SYNPO: variants seen among roughly 807,000 people sequenced by gnomAD.
The protein encoded by SYNPO is synaptopodin.
In SYNPO, 19 loss-of-function variants were observed where a neutral mutation model predicts 49.5. The ratio of observed to expected loss-of-function variants is 0.38; its 90% CI spans 0.27 to 0.56. The LOEUF (loss-of-function observed/expected upper bound fraction) is 0.56, where lower values mean the gene tolerates loss of function less well. SYNPO is among the 20% of genes least tolerant of loss of function. The pLI is 0.68. For synonymous variants in SYNPO, 536 were observed against 548.0 expected, an observed-to-expected ratio of 0.98 and a Z score of 0.31; for missense variants, 1,131 against 1,248.3, an observed-to-expected ratio of 0.91 and a Z score of 1.42.
the SYNPO span, among the ~76,000 whole-genome samples, chr5:150,586,378 C>T: frequency 2.6e-5 from 4 of 152,346 alleles, no homozygotes; most frequent in Admixed American, 1.3e-4. Context: ...TGTCAAATGC[C>T]GTCTCATCTT....
the SYNPO span, among the ~76,000 whole-genome samples, chr5:150,590,362 A>C: frequency 6.6e-6 from 1 of 152,232 alleles, no homozygotes; most frequent in East Asian, 1.9e-4. Flanking sequence ...AAAGCCTCTA[A>C]GATAGCTCAG....
intron 2 of SYNPO, chr5:150,653,762 T>G (rs1368369482): frequency 6.6e-6 from 1 of 152,220 alleles, no homozygotes; most frequent in East Asian, 1.9e-4. Flanking sequence ...CTCTGGCTCA[T>G]GTATACACAA....
upstream of SYNPO, among the ~76,000 whole-genome samples, chr5:150,635,972 C>T (rs767184677): frequency 5.9e-5 from 9 of 152,320 alleles, no homozygotes; most frequent in Middle Eastern, 3.4e-3. Flanking sequence ...TCATATCTAC[C>T]TTTGCAAATC....
chr5:150,631,348 A>AGGGCCTTGGG (rs1757529739), intron 2 of SYNPO, among the ~76,000 whole-genome samples: 2 of 152,210 alleles, frequency 1.3e-5, no homozygotes, highest in Non-Finnish European at 2.9e-5. Flanking sequence ...GGGACCTGTG[A>AGGGCCTTGGG]ACAGACCTGA....
intron 1 of SYNPO, among the ~76,000 whole-genome samples, chr5:150,608,231 A>G (rs1171796026): frequency 1.3e-5 from 2 of 152,204 alleles, no homozygotes; most frequent in Non-Finnish European, 2.9e-5. Flanking sequence ...TCTTAATCCA[A>G]GTCCTTCAAC....
At chr5:150,616,225 G>T (rs1756980332) in intron 1 of SYNPO, among the ~76,000 whole-genome samples, 1 of 152,238 alleles carries the variant, frequency 6.6e-6, no homozygotes, top group Non-Finnish European at 1.5e-5. Context: ...GCTGCAGTGG[G>T]AGGTGCCTGA....
chr5:150,598,928 G>T (rs540750265), upstream of SYNPO, among the ~76,000 whole-genome samples: 1 of 152,252 alleles, frequency 6.6e-6, no homozygotes, highest in East Asian at 1.9e-4. Flanking sequence ...GTTCACAGGG[G>T]CCTTGAATCA....
At chr5:150,639,819 C>A (rs185131298), upstream of SYNPO, among the ~76,000 whole-genome samples, 59 of 152,142 alleles carry the variant, frequency 3.9e-4, no homozygotes, top group Admixed American at 3.2e-3. Context: ...GGAGGAATAC[C>A]GAAGTGAAGC....
upstream of SYNPO, among the ~76,000 whole-genome samples, chr5:150,637,980 G>A (rs572661355): frequency 6.6e-6 from 1 of 152,130 alleles, no homozygotes; most frequent in East Asian, 1.9e-4. Context: ...AGCTCCTGTG[G>A]AACTGTGCCT....
At chr5:150,623,221 A>G (rs1757236298) in intron 2 of SYNPO, among the ~76,000 whole-genome samples, 3 of 152,192 alleles carry the variant, frequency 2.0e-5, no homozygotes, top group Admixed American at 2.0e-4. Context: ...TCCTTTTGCT[A>G]CACACCTACA....
chr5:150,635,296 A>G (rs1017475864), intron 2 of SYNPO, among the ~76,000 whole-genome samples: 2 of 152,156 alleles, frequency 1.3e-5, no homozygotes, highest in African/African-American at 4.8e-5. Context: ...AGCAAGCAGC[A>G]CCTCTGTGTG....
chr5:150,652,428 G>A, intron 2 of SYNPO: 1 of 984,404 alleles, frequency 1.0e-6, no homozygotes, highest in Non-Finnish European at 1.2e-6. Flanking sequence ...GAGTGGGCCT[G>A]CTCAATTACT....
chr5:150,652,720 C>T lies in SYNPO; in HGVS notation c.2028+2417C>T, dbSNP rs558835446. On this transcript the variant is annotated intron_variant, in intron 2 of 2. Coordinates refer to ENST00000307662, the MANE Select transcript of SYNPO (RefSeq NM_007286.6). ...TAGAAATTCCTCTAGCCAGCATTCG[C>T]TCTCCAGTTCCCTCAGGTCCCCTCC... 5 of 152,478 alleles carry T rather than the reference C, an allele frequency of 3.3e-5. No homozygotes were observed. The East Asian group carries it at 9.6e-4, about 29-fold the overall frequency. 9.4% of individuals were successfully genotyped at this position (152,478 alleles called of 1,614,324 possible).
chr5:150,602,997 G>GGGGGGT (rs1554106602), intron 1 of SYNPO, among the ~76,000 whole-genome samples: 24 of 131,252 alleles, frequency 1.8e-4, no homozygotes, highest in African/African-American at 6.8e-4. Flanking sequence ...GCCACCTTAG[G>GGGGGGT]GTGTGTGTGT....
intron 2 of SYNPO, chr5:150,651,914 T>C: frequency 3.0e-6 from 3 of 1,000,442 alleles, no homozygotes; most frequent in Non-Finnish European, 3.6e-6. Context: ...CAGACACAAG[T>C]GGCAGGATTC....
intron 2 of SYNPO, among the ~76,000 whole-genome samples, chr5:150,620,913 C>CTTTATTTA (rs1299344950): frequency 2.3e-5 from 3 of 128,962 alleles, no homozygotes; most frequent in Admixed American, 7.5e-5. Flanking sequence ...TTCTTTCTTT[C>CTTTATTTA]TTTCTTTCTT....
intron 2 of SYNPO, among the ~76,000 whole-genome samples, chr5:150,630,446 T>TAGGTTGGCCA (rs1160363568): frequency 6.6e-6 from 1 of 152,150 alleles, no homozygotes; most frequent in Non-Finnish European, 1.5e-5. Context: ...CTCCCATGGA[T>TAGGTTGGCCA]CCCTAAGGTG....
chr5:150,649,888 G>A lies in SYNPO; in HGVS notation c.1613G>A (p.Arg538Gln), dbSNP rs368637681. 2.1e-5 allele frequency: 34 copies of A among 1,609,896 alleles called. No individual in the cohort carries two copies. The highest frequency in any genetic ancestry group is 6.7e-5 in the African/African-American group (5 of 74,872). The change falls in exon 2 of 3, where the codon CGG (arginine) becomes CAG (glutamine). Residue 538 changes from arginine (R) to glutamine (Q), a missense_variant. Coordinates refer to ENST00000307662, the MANE Select transcript of SYNPO (RefSeq NM_007286.6). ...AFRVASRSPA[R>Q]TPPASLYHGY... ...CGAGTGGCATCCCGAAGCCCAGCCC[G>A]GACCCCGCCTGCCTCCCTCTACCAT...
At chr5:150,641,506 T>G (rs544982541) in intron 1 of SYNPO, among the ~76,000 whole-genome samples, 1 of 152,182 alleles carries the variant, frequency 6.6e-6, no homozygotes, top group Non-Finnish European at 1.5e-5. Flanking sequence ...CCTTGAATTC[T>G]CCCTGTCCTG....
Sources: allele counts gnomAD v4.1 joint callset (sites outside exome capture counted in the v4.1 genomes callset), GRCh38; gene constraint gnomAD v4.1.1; transcripts MANE v1.5; gene names NCBI Gene and HGNC (gene_info 2026-07-23, HGNC 2026-07-21).